Variants in LRP1B observed in about 807,000 individuals in gnomAD.
The protein encoded by LRP1B is LDL receptor related protein 1B, also known as low-density lipoprotein receptor-related protein 1B.
In LRP1B, 217 loss-of-function variants were observed where a neutral mutation model predicts 556.6. That is an observed-to-expected ratio of 0.39 (90% confidence interval 0.35 to 0.44). LRP1B has a LOEUF of 0.44. Ranked by LOEUF, LRP1B falls within the 20% of genes least tolerant of loss-of-function variation. The pLI is 1.00. For missense variants in LRP1B, 5,053 were observed against 5,620.8 expected, an observed-to-expected ratio of 0.90 and a Z score of 3.23; for synonymous variants, 2,047 against 1,865.8, an observed-to-expected ratio of 1.10 and a Z score of -2.50.
At chr2:140,325,726 A>G (rs751720679) in intron 80 of LRP1B, 36 bp downstream of exon 80, 1 of 1,365,306 alleles carries the variant, frequency 7.3e-7, no homozygotes, top group Non-Finnish European at 1.0e-6. Flanking sequence ...CACTCTCAGT[A>G]ACAATTAAAA....
At chr2:140,894,952 A>T (rs1202590124) in intron 23 of LRP1B, among the ~76,000 whole-genome samples, 10 of 152,208 alleles carry the variant, frequency 6.6e-5, no homozygotes, top group Admixed American at 3.3e-4. Flanking sequence ...CAAAAAAAAA[A>T]AAAAAATTGA....
chr2:141,682,752 A>G (rs1289074653), intron 2 of LRP1B, among the ~76,000 whole-genome samples: 2 of 152,206 alleles, frequency 1.3e-5, no homozygotes, highest in African/African-American at 4.8e-5. Flanking sequence ...ATGGAACAAA[A>G]GAACTGCTTA....
chr2:142,093,238 T>A (rs951512135), intron 1 of LRP1B, among the ~76,000 whole-genome samples: 3 of 152,120 alleles, frequency 2.0e-5, no homozygotes, highest in Non-Finnish European at 4.4e-5. Context: ...ACTATGAGTT[T>A]CCTGAGAACA....
At chr2:142,114,411 T>A (rs959760910) in intron 1 of LRP1B, among the ~76,000 whole-genome samples, 1 of 152,076 alleles carries the variant, frequency 6.6e-6, no homozygotes, top group Non-Finnish European at 1.5e-5. Flanking sequence ...GCAACCCCAC[T>A]GCAGAGTATA....
intron 3 of LRP1B, among the ~76,000 whole-genome samples, chr2:141,376,515 C>T (rs996674054): frequency 2.0e-5 from 3 of 152,102 alleles, no homozygotes; most frequent in Non-Finnish European, 4.4e-5. Flanking sequence ...ACTTACTATT[C>T]GCATTCTTCT....
chr2:140,343,882 A>G (rs1405102994), intron 77 of LRP1B, among the ~76,000 whole-genome samples: 3 of 151,716 alleles, frequency 2.0e-5, no homozygotes, highest in Non-Finnish European at 4.4e-5. Context: ...CTAATCTACA[A>G]GGAAGAAAAC....
intron 3 of LRP1B, among the ~76,000 whole-genome samples, chr2:141,409,100 C>A (rs886790494): frequency 3.3e-5 from 5 of 152,130 alleles, no homozygotes; most frequent in Admixed American, 6.5e-5. Flanking sequence ...GAAATAGTTA[C>A]CTCAACACAA....
chr2:142,007,931 T>C (rs16847916), intron 1 of LRP1B, among the ~76,000 whole-genome samples: 3,876 of 152,202 alleles, frequency 0.025, 164 homozygotes, highest in East Asian at 0.17. Context: ...GTTAGGAGAG[T>C]TAAACGGTAT....
intron 41 of LRP1B, among the ~76,000 whole-genome samples, chr2:140,686,152 G>A (rs138832764): frequency 3.0e-4 from 45 of 152,248 alleles, no homozygotes; most frequent in African/African-American, 1.1e-3. Context: ...AAGGATGTGA[G>A]TAGGACTAGA....
chr2:140,334,126 C>A (rs1448100995), intron 79 of LRP1B, among the ~76,000 whole-genome samples: 1 of 151,892 alleles, frequency 6.6e-6, no homozygotes, highest in South Asian at 2.1e-4. Context: ...AATATCCCAA[C>A]TCCATTAACA....
rs937249392 is a variant in LRP1B at position 140,407,531 on chromosome 2, C to T, written c.10415-21522G>A. Among the ~76,000 whole-genome samples the T allele has an allele frequency of 5.9e-5, 9 of 152,076 alleles. No individual in the cohort carries two copies. In the South Asian group the frequency reaches 1.5e-3, roughly 25 times the overall value. ...AAAGTGGGCAAATGACATGGATAGA[C>T]ATTTCTCAAAATAAGATACACAAAC... On this transcript the variant is annotated intron_variant, in intron 66 of 90. Transcript: ENST00000389484.
rs1691621692 is a variant in LRP1B at position 140,828,945 on chromosome 2, C to CAAATGTAAATAAA, written c.5209+11045_5209+11046insTTTATTTACATTT. Among the ~76,000 whole-genome samples, 3 of 151,696 alleles carry CAAATGTAAATAAA rather than the reference C, an allele frequency of 2.0e-5. No individual in the cohort carries two copies. In the South Asian group the frequency reaches 6.2e-4, roughly 32 times the overall value. On this transcript the variant is annotated intron_variant, in intron 31 of 90. Transcript: ENST00000389484. ...AGTAAAGAGATGGAAGAAGATAGCC[C>CAAATGTAAATAAA]ATGTAAATAAAAATCAAAAGCAGAG...
chr2:140,598,407 T>C (rs893557837), intron 43 of LRP1B, among the ~76,000 whole-genome samples: 1 of 152,216 alleles, frequency 6.6e-6, no homozygotes, highest in African/African-American at 2.4e-5. Flanking sequence ...AAAAAGTTTA[T>C]GTGTTGAGCT....
At chr2:140,702,748 T>A (rs12466110) in intron 37 of LRP1B, among the ~76,000 whole-genome samples, 195 bp from the exon 38 acceptor site, 77,609 of 151,938 alleles carry the variant, frequency 0.51, 21,032 homozygotes, top group Middle Eastern at 0.65. Flanking sequence ...TAACCAGTCA[T>A]ACAAATCATA....
intron 3 of LRP1B, among the ~76,000 whole-genome samples, chr2:141,274,394 C>T (rs1213027269): frequency 6.6e-6 from 1 of 152,084 alleles, no homozygotes; most frequent in African/African-American, 2.4e-5. Flanking sequence ...AAGTATGATA[C>T]AAGCTACAAC....
At chr2:141,927,021 A>G (rs768633442) in intron 1 of LRP1B, among the ~76,000 whole-genome samples, 6 of 152,122 alleles carry the variant, frequency 3.9e-5, no homozygotes, top group Non-Finnish European at 8.8e-5. Flanking sequence ...TTATTTACTG[A>G]ATCAGAATCA....
At chr2:140,537,425 G>A (rs981166383) in intron 45 of LRP1B, among the ~76,000 whole-genome samples, 12 of 151,796 alleles carry the variant, frequency 7.9e-5, no homozygotes, top group African/African-American at 2.4e-4. Flanking sequence ...TTTCCCCACC[G>A]TCTGGTCTTC....
chr2:141,326,839 T>C (rs1200654603), intron 3 of LRP1B, among the ~76,000 whole-genome samples: 1 of 152,148 alleles, frequency 6.6e-6, no homozygotes, highest in Admixed American at 6.5e-5. Flanking sequence ...CCCTGATAAA[T>C]CATTGAAGGG....
intron 1 of LRP1B, among the ~76,000 whole-genome samples, chr2:141,927,834 C>G (rs1700375505): frequency 7.2e-6 from 1 of 138,692 alleles, no homozygotes; most frequent in Non-Finnish European, 1.5e-5. Flanking sequence ...TCCCCCCAAG[C>G]TACAGCATCA....
Sources: allele counts gnomAD v4.1 joint callset (sites outside exome capture counted in the v4.1 genomes callset), GRCh38; gene constraint gnomAD v4.1.1; transcripts MANE v1.5; gene names NCBI Gene and HGNC (gene_info 2026-07-23, HGNC 2026-07-21).